Variants in GRAMD1B observed in about 807,000 individuals in gnomAD.
The protein encoded by GRAMD1B is protein Aster-B.
A neutral mutation model predicts 99.7 loss-of-function variants in GRAMD1B; 37 were observed. That is an observed-to-expected ratio of 0.37 (90% confidence interval 0.29 to 0.49). The LOEUF (loss-of-function observed/expected upper bound fraction) is 0.49, where lower values mean the gene tolerates loss of function less well. GRAMD1B is among the 20% of genes least tolerant of loss of function. GRAMD1B has a pLI of 0.98. For synonymous variants in GRAMD1B, 427 were observed against 387.6 expected, an observed-to-expected ratio of 1.10 and a Z score of -1.19; for missense variants, 888 against 1,009.2, an observed-to-expected ratio of 0.88 and a Z score of 1.63.
intron 2 of GRAMD1B, among the ~76,000 whole-genome samples, chr11:123,564,837 T>C (rs1000939225): frequency 8.5e-5 from 13 of 152,140 alleles, no homozygotes; most frequent in African/African-American, 3.1e-4. Flanking sequence ...CTTGTTCCAG[T>C]GGTCTTTGCC....
At position 123,510,869 on chromosome 11, in the gene GRAMD1B, G is replaced by A. The variant is rs956559969; in HGVS notation, c.452+29976G>A. ...TGAGCACCAAGACCTCAGGAGAGGC[G>A]AGGAGGTGCCAGGTCCTACAAAGCA... On this transcript the variant is annotated intron_variant, in intron 2 of 19. Coordinates refer to ENST00000635736, the MANE Select transcript of GRAMD1B (RefSeq NM_001387025.1). The surrounding 1 kb of genome is among the most constrained non-coding windows in gnomAD (Gnocchi z 4.3). 1.3e-5 allele frequency among the ~76,000 whole-genome samples: 2 copies of A among 152,150 alleles called. No individual in the cohort carries two copies. Among genetic ancestry groups the A allele is most frequent in the Non-Finnish European group, 2.9e-5 (2 of 68,036 alleles).
intron 1 of GRAMD1B, among the ~76,000 whole-genome samples, chr11:123,401,118 A>T (rs1947644900): frequency 6.6e-6 from 1 of 152,206 alleles, no homozygotes; most frequent in Non-Finnish European, 1.5e-5. Context: ...CACTTTCTAG[A>T]TGAAGAGATG....
At chr11:123,468,761 C>T (rs1950834082) in intron 1 of GRAMD1B, among the ~76,000 whole-genome samples, 2 of 135,610 alleles carry the variant, frequency 1.5e-5, no homozygotes, top group South Asian at 2.3e-4. Flanking sequence ...CCTGCCACTG[C>T]ATCCAGCCAG....
At chr11:123,599,068 C>A (rs1951637742) in intron 7 of GRAMD1B, 1 of 1,017,350 alleles carries the variant, frequency 9.8e-7, no homozygotes, top group Non-Finnish European at 1.6e-6. Flanking sequence ...TCTGTGAACT[C>A]CACCGAGTTT....
intron 2 of GRAMD1B, among the ~76,000 whole-genome samples, chr11:123,551,195 C>T (rs1945569060): frequency 6.6e-6 from 1 of 152,208 alleles, no homozygotes; most frequent in East Asian, 1.9e-4. Flanking sequence ...TTTTTGTATC[C>T]TCTCCTGGAC....
chr11:123,591,487 T>C lies in GRAMD1B; in HGVS notation c.685-2595T>C, dbSNP rs1950637304. On this transcript the variant is annotated intron_variant, in intron 4 of 19. Coordinates refer to ENST00000635736, the MANE Select transcript of GRAMD1B (RefSeq NM_001387025.1). The surrounding 1 kb of genome is among the most constrained non-coding windows in gnomAD (Gnocchi z 4.7). ...AGTGGTACCTGAAGCAGCTTGGCCA[T>C]GCACCTGCTGCCGCTGAACACCGTT... 1.0e-5 allele frequency: 4 copies of C among 398,888 alleles called. No homozygotes were observed. In the South Asian group the frequency reaches 5.1e-4, roughly 51 times the overall value. 24.7% of individuals were successfully genotyped at this position (398,888 alleles called of 1,614,324 possible).
chr11:123,609,893 G>T lies in GRAMD1B; in HGVS notation c.1756G>T (p.Ala586Ser). 1 of 1,583,762 alleles carries T rather than the reference G, an allele frequency of 6.3e-7. No individual in the cohort carries two copies. Among genetic ancestry groups the T allele is most frequent in the Non-Finnish European group, 8.6e-7 (1 of 1,160,846 alleles). ...TLTNPLAPKTATVRETQTMYK... is the reference protein window; with the variant it reads ...TLTNPLAPKTSTVRETQTMYK... ...TACCAACCCTCTGGCTCCCAAAACT[G>T]CCACTGTCAGGGAGACACAGGTGAG... The change falls in exon 13 of 20, where the codon GCC becomes TCC. Residue 586 changes from alanine (A) to serine (S), a missense_variant. By Grantham distance (99) the Ala-to-Ser change is moderately conservative (BLOSUM62 1). Transcript: ENST00000635736.
chr11:123,566,100 T>G (rs1234763558), intron 2 of GRAMD1B, among the ~76,000 whole-genome samples: 1 of 152,230 alleles, frequency 6.6e-6, no homozygotes, highest in Non-Finnish European at 1.5e-5. Flanking sequence ...TTTCACTCCA[T>G]GAGCAATTAT....
At chr11:123,423,322 T>C (rs1948523750) in intron 1 of GRAMD1B, among the ~76,000 whole-genome samples, 1 of 151,404 alleles carries the variant, frequency 6.6e-6, no homozygotes. Context: ...CTCCTCTCCT[T>C]TCTTCTCCCC....
chr11:123,555,575 C>T (rs1946101869), intron 2 of GRAMD1B, among the ~76,000 whole-genome samples: 1 of 151,968 alleles, frequency 6.6e-6, no homozygotes, highest in South Asian at 2.1e-4. Context: ...GTCTGAACTC[C>T]TGATCTCAGG....
At position 123,613,438 on chromosome 11, in the gene GRAMD1B, C is replaced by T; in HGVS notation, c.2024-17C>T. 3 of 1,587,044 alleles carry T rather than the reference C, an allele frequency of 1.9e-6. No homozygotes were observed. The highest frequency in any genetic ancestry group is 2.6e-6 in the Non-Finnish European group (3 of 1,161,816). ...GGCTGAAGGTGGCCTCTCCTGTGGT[C>T]CTTTTGTCTCTGATAGAGAGCGAGC... is the stretch of plus-strand genomic sequence containing the variant. On this transcript the variant is annotated splice_polypyrimidine_tract_variant and intron_variant, in intron 15 of 19. Transcript: ENST00000635736.
intron 2 of GRAMD1B, among the ~76,000 whole-genome samples, chr11:123,524,193 G>A (rs1942465112): frequency 6.6e-6 from 1 of 152,152 alleles, no homozygotes; most frequent in South Asian, 2.1e-4. Flanking sequence ...TGGGGATATA[G>A]AGATTGCTGA....
At chr11:123,601,798 C>T (rs1319323592) in intron 8 of GRAMD1B, among the ~76,000 whole-genome samples, 6 of 152,172 alleles carry the variant, frequency 3.9e-5, no homozygotes, top group Admixed American at 3.9e-4. Flanking sequence ...TTCACAGCTG[C>T]TGTCATTTTT....
In GRAMD1B at chr11:123,510,599, G is replaced by A. The variant is rs954665857; in HGVS notation, c.452+29706G>A. Among the ~76,000 whole-genome samples the A allele has an allele frequency of 1.3e-5, 2 of 152,180 alleles. No homozygotes were observed. Among genetic ancestry groups the A allele is most frequent in the African/African-American group, 4.8e-5 (2 of 41,446 alleles). ...CCAGAGGGGTGGTTTGTTCTCCGTG[G>A]GTGGACGTTTGTGACTCTGCCTTTT... On this transcript the variant is annotated intron_variant, in intron 2 of 19. Coordinates refer to ENST00000635736, the MANE Select transcript of GRAMD1B (RefSeq NM_001387025.1). The surrounding 1 kb of genome is among the most constrained non-coding windows in gnomAD (Gnocchi z 4.3).
Position 123,627,007 on chromosome 11 carries a change from T to C in GRAMD1B, c.*4412T>C, listed in dbSNP as rs1591335317. The C allele has an allele frequency of 6.6e-6, 1 of 152,240 alleles. No individual in the cohort carries two copies. The highest frequency in any genetic ancestry group is 6.5e-5 in the Admixed American group (1 of 15,276). The allele number at this position is 152,240 out of a possible 1,614,324, so 9.4% of individuals were successfully genotyped here. A position where few individuals can be genotyped will look rare whatever the true frequency, so the allele number is the denominator to read the frequency against. ...GGGCCCAGCCAGCTCCCTGTTTTGA[T>C]GTTCTGTGCAACAGCTCCGGGGTCT... is the stretch of plus-strand genomic sequence containing the variant. On this transcript the variant is annotated 3_prime_UTR_variant, in exon 20 of 20. Coordinates refer to ENST00000635736, the MANE Select transcript of GRAMD1B (RefSeq NM_001387025.1).
intron 1 of GRAMD1B, among the ~76,000 whole-genome samples, chr11:123,441,849 C>T (rs961876707): frequency 6.6e-6 from 1 of 152,012 alleles, no homozygotes; most frequent in Non-Finnish European, 1.5e-5. Context: ...AGAAATATCC[C>T]GACTATATCA....
chr11:123,578,196 C>T (rs2136240095), intron 3 of GRAMD1B, among the ~76,000 whole-genome samples: 1 of 152,246 alleles, frequency 6.6e-6, no homozygotes, highest in Non-Finnish European at 1.5e-5. Context: ...TCCCCACCCT[C>T]GGTCCTTTGG....
At chr11:123,521,277 T>C (rs1942177366) in intron 2 of GRAMD1B, among the ~76,000 whole-genome samples, 1 of 152,240 alleles carries the variant, frequency 6.6e-6, no homozygotes, top group Non-Finnish European at 1.5e-5. Context: ...AGAGTTCCAA[T>C]TTATATTTTC....
intron 2 of GRAMD1B, among the ~76,000 whole-genome samples, chr11:123,535,863 G>A (rs925964381): frequency 2.0e-5 from 3 of 152,102 alleles, no homozygotes; most frequent in African/African-American, 7.2e-5. Flanking sequence ...CCAGAGAATG[G>A]AAATCTTGGG....
Sources: allele counts gnomAD v4.1 joint callset (sites outside exome capture counted in the v4.1 genomes callset), GRCh38; gene constraint gnomAD v4.1.1; non-coding constraint Gnocchi (gnomAD v3.1); transcripts MANE v1.5; gene names NCBI Gene and HGNC (gene_info 2026-07-23, HGNC 2026-07-21).